The following NEK5 variants were observed in gnomAD, a reference collection of about 807,000 sequenced individuals.
The protein encoded by NEK5 is NIMA related kinase 5.
In NEK5, 88 loss-of-function variants were observed where a neutral mutation model predicts 109.2. That is an observed-to-expected ratio of 0.81 (90% CI 0.68 to 0.96). The LOEUF is 0.96. Among genes scored for constraint, NEK5 ranks in the 40% least tolerant of loss-of-function variants. The pLI, the probability that NEK5 is intolerant of heterozygous loss-of-function variation, is 0.00. For synonymous variants in NEK5, 283 were observed against 299.9 expected, an observed-to-expected ratio of 0.94 and a Z score of 0.58; for missense variants, 834 against 920.7, an observed-to-expected ratio of 0.91 and a Z score of 1.22.
At chr13:52,064,222 A>G (rs1342951681) in intron 21 of NEK5, among the ~76,000 whole-genome samples, 1 of 108,608 alleles carries the variant, frequency 9.2e-6, no homozygotes, top group Non-Finnish European at 1.8e-5. Context: ...TCCGGGAGGG[A>G]GGTGGGGGGG....
chr13:52,109,384 G>GTCCA (rs1208331640), intron 7 of NEK5, among the ~76,000 whole-genome samples: 3 of 152,144 alleles, frequency 2.0e-5, no homozygotes, highest in Non-Finnish European at 4.4e-5. Context: ...AGATACCAAA[G>GTCCA]TCCAGCCTGA....
intron 22 of NEK5, among the ~76,000 whole-genome samples, chr13:52,053,600 C>A (rs982726262): frequency 2.0e-5 from 3 of 152,150 alleles, no homozygotes; most frequent in Admixed American, 1.3e-4. Context: ...AATCCAGATG[C>A]ATATGAAATT....
chr13:52,091,315 A>T (rs2137929432), intron 13 of NEK5, among the ~76,000 whole-genome samples: 1 of 152,330 alleles, frequency 6.6e-6, no homozygotes, highest in Non-Finnish European at 1.5e-5. Context: ...TGGCTGCTCC[A>T]GTTCTTCTGT....
At position 52,033,657 on chromosome 13, in the gene NEK5, A is replaced by G. The variant is rs911101589; in HGVS notation, c.*3291T>C. 4 of 162,080 alleles carry G rather than the reference A, an allele frequency of 2.5e-5. No individual in the cohort carries two copies. In the Admixed American group the frequency reaches 2.6e-4, roughly 11 times the overall value. 10.0% of individuals were successfully genotyped at this position (162,080 alleles called of 1,614,324 possible). On this transcript the variant is annotated 3_prime_UTR_variant, in exon 24 of 24. Coordinates refer to ENST00000684899, the MANE Select transcript of NEK5 (RefSeq NM_001365552.1). The stretch of plus-strand genomic sequence containing the variant: ...ATGAATATTTCAGACATAACAAAAA[A>G]CTGCAGAGCTTCGTACACTTGATTT...
intron 12 of NEK5, among the ~76,000 whole-genome samples, chr13:52,099,450 T>C (rs754809989): frequency 3.9e-5 from 6 of 152,088 alleles, no homozygotes; most frequent in Non-Finnish European, 8.8e-5. Flanking sequence ...GGCAGGTGGA[T>C]CACGAGGTCA....
intron 12 of NEK5, among the ~76,000 whole-genome samples, chr13:52,095,963 C>A (rs973893866): frequency 6.6e-6 from 1 of 152,102 alleles, no homozygotes; most frequent in Non-Finnish European, 1.5e-5. Context: ...GCAGATTCCC[C>A]CCTTGCTGTT....
At chr13:52,080,825 C>A (rs1222752207) in intron 17 of NEK5, among the ~76,000 whole-genome samples, 1 of 151,658 alleles carries the variant, frequency 6.6e-6, no homozygotes, top group Non-Finnish European at 1.5e-5. Context: ...CTGACCTTCC[C>A]TCCACTGTTG....
At chr13:52,100,923 C>G (rs1320002266) in intron 11 of NEK5, among the ~76,000 whole-genome samples, 1 of 152,176 alleles carries the variant, frequency 6.6e-6, no homozygotes, top group Non-Finnish European at 1.5e-5. Context: ...TAACATTTCC[C>G]TGTCATGGAT....
chr13:52,074,120 A>C (rs1954826824), intron 19 of NEK5, among the ~76,000 whole-genome samples: 2 of 151,728 alleles, frequency 1.3e-5, no homozygotes, highest in African/African-American at 4.8e-5. Flanking sequence ...GGATTGGAGA[A>C]AAAAAAAACT....
At chr13:52,112,788 G>A (rs1228001529) in intron 4 of NEK5, among the ~76,000 whole-genome samples, 2 of 152,086 alleles carry the variant, frequency 1.3e-5, no homozygotes, top group Non-Finnish European at 2.9e-5. Context: ...TATTTATATG[G>A]CACTTATTTA....
At chr13:52,126,334 A>G (rs12146904) in intron 3 of NEK5, among the ~76,000 whole-genome samples, 84,796 of 152,098 alleles carry the variant, frequency 0.56, 24,706 homozygotes, top group Middle Eastern at 0.65. Flanking sequence ...AATTACATAT[A>G]GTTTTTCTCT....
intron 11 of NEK5, among the ~76,000 whole-genome samples, chr13:52,100,609 C>T (rs1955509517): frequency 3.3e-5 from 5 of 152,140 alleles, no homozygotes; most frequent in South Asian, 2.1e-4. Flanking sequence ...TAAGGTGGCT[C>T]GCACCTGTAA....
At chr13:52,070,658 A>G (rs964365295) in intron 20 of NEK5, among the ~76,000 whole-genome samples, 2 of 152,224 alleles carry the variant, frequency 1.3e-5, no homozygotes, top group Admixed American at 1.3e-4. Flanking sequence ...TGTAAGTCCA[A>G]TTAAACCTCT....
intron 16 of NEK5, 99 bp downstream of exon 16, chr13:52,086,152 CTACATGATTATCTCTATGATAAAACT>C (rs1955136860): frequency 1.4e-6 from 1 of 714,714 alleles, no homozygotes; most frequent in African/African-American, 1.8e-5. Flanking sequence ...AAAAAGAAGT[CTACATGATTATCTCTATGATAAAACT>C]TTATCTTTTC....
chr13:52,100,611 C>T (rs1379422597), intron 11 of NEK5, among the ~76,000 whole-genome samples: 1 of 152,198 alleles, frequency 6.6e-6, no homozygotes, highest in African/African-American at 2.4e-5. Flanking sequence ...AGGTGGCTCG[C>T]ACCTGTAATC....
chr13:52,102,609 T>C (rs1433902706), intron 9 of NEK5, among the ~76,000 whole-genome samples: 1 of 152,000 alleles, frequency 6.6e-6, no homozygotes, highest in Non-Finnish European at 1.5e-5. Flanking sequence ...AAGAGGATTG[T>C]CTAAGCCCAG....
intron 20 of NEK5, among the ~76,000 whole-genome samples, 189 bp from the exon 21 acceptor site, chr13:52,065,798 C>G (rs1954680664): frequency 6.6e-6 from 1 of 152,180 alleles, no homozygotes; most frequent in Non-Finnish European, 1.5e-5. Flanking sequence ...TACTTTTACT[C>G]TTAGTGTTTG....
At chr13:52,047,059 A>G (rs1052325794) in intron 23 of NEK5, among the ~76,000 whole-genome samples, 6 of 152,188 alleles carry the variant, frequency 3.9e-5, no homozygotes, top group African/African-American at 1.4e-4. Flanking sequence ...CTTTTATTTA[A>G]CCTATCAATT....
chr13:52,084,556 T>G (rs1047374677), intron 16 of NEK5, among the ~76,000 whole-genome samples: 1 of 152,160 alleles, frequency 6.6e-6, no homozygotes, highest in African/African-American at 2.4e-5. Context: ...TTTATTTTTT[T>G]GAGACCGAGT....
Sources: allele counts gnomAD v4.1 joint callset (sites outside exome capture counted in the v4.1 genomes callset), GRCh38; gene constraint gnomAD v4.1.1; transcripts MANE v1.5; gene names NCBI Gene and HGNC (gene_info 2026-07-23, HGNC 2026-07-21).